The following GNA14 variants were observed in gnomAD, a reference collection of about 807,000 sequenced individuals.
The protein encoded by GNA14 is guanine nucleotide-binding protein subunit alpha-14.
GNA14 carries 50 observed loss-of-function variants against 42.0 expected under a neutral mutation model. The observed-to-expected ratio is 1.19, with a 90% confidence interval of 0.95 to 1.51. GNA14 has a LOEUF of 1.51. GNA14 is among the 40% of genes most tolerant of loss of function. The pLI, the probability that GNA14 is intolerant of heterozygous loss-of-function variation, is 0.00. For missense variants in GNA14, 473 were observed against 446.2 expected (o/e 1.06, Z -0.54); for synonymous variants, 173 against 163.1 (o/e 1.06, Z -0.46).
intron 1 of GNA14, among the ~76,000 whole-genome samples, chr9:77,551,519 C>G (rs552452372): frequency 1.0e-3 from 153 of 151,882 alleles, no homozygotes; most frequent in African/African-American, 3.5e-3. Flanking sequence ...ACCCACCCCC[C>G]CTTCAAGTGA....
chr9:77,591,396 TTC>T (rs1823389557), intron 1 of GNA14, among the ~76,000 whole-genome samples: 1 of 152,326 alleles, frequency 6.6e-6, no homozygotes, highest in African/African-American at 2.4e-5. Flanking sequence ...GAATAGATTT[TTC>T]TCTCATTCTC....
At chr9:77,542,280 T>C (rs549851403) in intron 1 of GNA14, among the ~76,000 whole-genome samples, 9 of 152,282 alleles carry the variant, frequency 5.9e-5, no homozygotes, top group African/African-American at 2.2e-4. Context: ...AGTTAGTCCT[T>C]ATATGATTTC....
chr9:77,630,112 GTT>G lies in GNA14; in HGVS notation c.124+17556_124+17557del, dbSNP rs138576637. ...TATGGTTTTGTGGGGTTTGTTTTTT[GTT>G]TTTTTTTTTTTTGACAGAGTTTTAC... On this transcript the variant is annotated intron_variant, in intron 1 of 6. Transcript: ENST00000341700. Among the ~76,000 whole-genome samples, 768 of 139,758 alleles carry G rather than the reference GTT, an allele frequency of 5.5e-3. 1 individual carries two copies. Among genetic ancestry groups the G allele is most frequent in the Non-Finnish European group, 7.3e-3 (461 of 62,730 alleles). 91.7% of individuals were successfully genotyped at this position (139,758 alleles called of 152,430 possible). A position where few individuals can be genotyped will look rare whatever the true frequency, so the allele number is the denominator to read the frequency against.
chr9:77,468,944 ACT>A (rs1327731549), intron 2 of GNA14, among the ~76,000 whole-genome samples: 5 of 152,176 alleles, frequency 3.3e-5, no homozygotes, highest in Non-Finnish European at 7.3e-5. Context: ...TGTTCTTAAA[ACT>A]CTCAACACAT....
intron 2 of GNA14, among the ~76,000 whole-genome samples, chr9:77,469,321 T>G (rs571828024): frequency 5.1e-4 from 77 of 150,616 alleles, no homozygotes; most frequent in African/African-American, 1.7e-3. Flanking sequence ...ATAAATTGTT[T>G]TGCAAGAGGG....
chr9:77,569,648 G>T (rs1048152786), intron 1 of GNA14, among the ~76,000 whole-genome samples: 1 of 152,176 alleles, frequency 6.6e-6, no homozygotes, highest in Non-Finnish European at 1.5e-5. Flanking sequence ...GCTATGTGGG[G>T]GCTTTGGTTT....
intron 2 of GNA14, among the ~76,000 whole-genome samples, chr9:77,466,690 GCTTT>G (rs1158224939): frequency 6.6e-6 from 1 of 152,086 alleles, no homozygotes; most frequent in Non-Finnish European, 1.5e-5. Context: ...ATGACTTAGA[GCTTT>G]CTTTTGAGAG....
At chr9:77,545,976 G>A (rs1207776159) in intron 1 of GNA14, among the ~76,000 whole-genome samples, 1 of 151,968 alleles carries the variant, frequency 6.6e-6, no homozygotes, top group Non-Finnish European at 1.5e-5. Context: ...CACACTTCAG[G>A]AGGCCGAGGC....
chr9:77,594,193 T>C (rs1212948246), intron 1 of GNA14, among the ~76,000 whole-genome samples: 2 of 151,948 alleles, frequency 1.3e-5, no homozygotes, highest in Non-Finnish European at 2.9e-5. Flanking sequence ...AGCAACAGAG[T>C]CAAAAAGTCT....
intron 1 of GNA14, chr9:77,580,584 T>G: frequency 2.0e-6 from 1 of 502,934 alleles, no homozygotes; most frequent in Non-Finnish European, 3.9e-6. Flanking sequence ...AAGCTTGGGT[T>G]TGCACCAATG....
intron 1 of GNA14, among the ~76,000 whole-genome samples, chr9:77,588,161 C>G (rs1047692144): frequency 6.6e-6 from 1 of 152,162 alleles, no homozygotes; most frequent in Non-Finnish European, 1.5e-5. Context: ...AGATCCTAAT[C>G]CCATCTGCAA....
chr9:77,594,175 C>T (rs1364660848), intron 1 of GNA14, among the ~76,000 whole-genome samples: 1 of 152,196 alleles, frequency 6.6e-6, no homozygotes, highest in Non-Finnish European at 1.5e-5. Flanking sequence ...TCAGCAGCAA[C>T]ACAGTGGAGC....
At chr9:77,572,270 A>G (rs1823071730) in intron 1 of GNA14, among the ~76,000 whole-genome samples, 1 of 152,098 alleles carries the variant, frequency 6.6e-6, no homozygotes, top group Admixed American at 6.6e-5. Context: ...AGAAACAGAG[A>G]CCTAACACGT....
chr9:77,570,541 G>T (rs1823044144), intron 1 of GNA14, among the ~76,000 whole-genome samples: 1 of 151,902 alleles, frequency 6.6e-6, no homozygotes, highest in African/African-American at 2.4e-5. Flanking sequence ...AATTTTTTTA[G>T]GTTTATTTAT....
intron 2 of GNA14, among the ~76,000 whole-genome samples, chr9:77,512,306 T>G (rs1356043022): frequency 6.6e-6 from 1 of 152,250 alleles, no homozygotes; most frequent in African/African-American, 2.4e-5. Context: ...TAGTCACTCT[T>G]CTCAAAGTTA....
chr9:77,465,198 G>A (rs1002409285), intron 2 of GNA14, among the ~76,000 whole-genome samples: 9 of 152,162 alleles, frequency 5.9e-5, no homozygotes, highest in African/African-American at 1.7e-4. Context: ...CTAGCCCTGG[G>A]CAGCCAATAA....
chr9:77,530,100 G>A (rs1253067920), intron 1 of GNA14, among the ~76,000 whole-genome samples: 1 of 152,060 alleles, frequency 6.6e-6, no homozygotes, highest in Non-Finnish European at 1.5e-5. Context: ...TGAAATATAT[G>A]CTATTGCTGA....
chr9:77,445,578 G>A (rs1835803371), intron 2 of GNA14, among the ~76,000 whole-genome samples: 1 of 149,588 alleles, frequency 6.7e-6, no homozygotes, highest in Non-Finnish European at 1.5e-5. Context: ...AAAAAAGAAA[G>A]GAAAAGAAAA....
In GNA14 at chr9:77,628,434, A is replaced by C. The variant is rs145543948; in HGVS notation, c.124+19236T>G. ...AAAAAGAGCCCATATAGCCAATACA[A>C]TCCTAAGCAAAAAGAACAAAGCTGG... On this transcript the variant is annotated intron_variant, in intron 1 of 6. Coordinates refer to ENST00000341700, the MANE Select transcript of GNA14 (RefSeq NM_004297.4). 1.1e-3 allele frequency among the ~76,000 whole-genome samples: 175 copies of C among 152,318 alleles called. 1 individual carries two copies. In the East Asian group the frequency reaches 0.028, roughly 25 times the overall value.
Sources: allele counts gnomAD v4.1 joint callset (sites outside exome capture counted in the v4.1 genomes callset), GRCh38; gene constraint gnomAD v4.1.1; transcripts MANE v1.5; gene names NCBI Gene and HGNC (gene_info 2026-07-23, HGNC 2026-07-21).